GSE1: variants seen among roughly 807,000 people sequenced by gnomAD.
The protein encoded by GSE1 is Gse1 coiled-coil protein, also known as genetic suppressor element 1.
Under a neutral mutation model 112.6 loss-of-function variants are expected in GSE1, and 32 were observed. The ratio of observed to expected loss-of-function variants is 0.28; its 90% CI spans 0.21 to 0.38. GSE1 has a LOEUF of 0.38. Ranked by LOEUF, GSE1 falls within the 10% of genes least tolerant of loss-of-function variation. GSE1 has a pLI of 1.00. For synonymous variants in GSE1, 1,115 were observed against 735.6 expected (o/e 1.52, Z -8.35); for missense variants, 2,348 against 1,699.2 (o/e 1.38, Z -6.71).
intron 1 of GSE1, among the ~76,000 whole-genome samples, chr16:85,178,024 G>A (rs930414088): frequency 6.6e-6 from 1 of 152,276 alleles, no homozygotes; most frequent in Non-Finnish European, 1.5e-5. Context: ...TGGCGCTCTG[G>A]GCACCTGCTA....
chr16:85,616,637 C>G (rs1305823481), intron 1 of GSE1, among the ~76,000 whole-genome samples: 2 of 152,048 alleles, frequency 1.3e-5, no homozygotes, highest in African/African-American at 4.8e-5. Context: ...ATCCATGTTG[C>G]AGGTGACATT....
intron 2 of GSE1, among the ~76,000 whole-genome samples, chr16:85,454,094 G>A (rs9935920): frequency 0.29 from 44,790 of 152,134 alleles, 6,788 homozygotes; most frequent in East Asian, 0.34. Context: ...CACCCTGAAC[G>A]TGGGGAGAAT....
chr16:85,341,787 A>G (rs746893669), intron 1 of GSE1, among the ~76,000 whole-genome samples: 1 of 151,636 alleles, frequency 6.6e-6, no homozygotes, highest in Non-Finnish European at 1.5e-5. Flanking sequence ...GGTGTGAACC[A>G]CTTCACCTGG....
chr16:85,437,775 G>C (rs778211852), intron 2 of GSE1, among the ~76,000 whole-genome samples: 1 of 152,170 alleles, frequency 6.6e-6, no homozygotes, highest in Non-Finnish European at 1.5e-5. Context: ...CCAGGAGGCC[G>C]AACACCACCG....
At chr16:85,213,875 AG>A (rs1208479369) in intron 1 of GSE1, among the ~76,000 whole-genome samples, 7 of 152,196 alleles carry the variant, frequency 4.6e-5, no homozygotes, top group African/African-American at 1.7e-4. Context: ...AGAGGGCCCC[AG>A]GCTGTTGGCA....
intron 1 of GSE1, among the ~76,000 whole-genome samples, chr16:85,619,259 G>A (rs1028805802): frequency 6.6e-6 from 1 of 152,226 alleles, no homozygotes; most frequent in Non-Finnish European, 1.5e-5. Context: ...CCCCAGCCCT[G>A]CCCTTCCTGC....
At chr16:85,365,910 T>C (rs2047175785) in intron 2 of GSE1, among the ~76,000 whole-genome samples, 1 of 152,222 alleles carries the variant, frequency 6.6e-6, no homozygotes, top group Non-Finnish European at 1.5e-5. Flanking sequence ...TGTGCCTCAG[T>C]TTCCCCATGT....
At chr16:85,580,160 C>G (rs2046390215) in intron 1 of GSE1, 2 of 152,322 alleles carry the variant, frequency 1.3e-5, no homozygotes, top group Admixed American at 6.5e-5. Flanking sequence ...GTGCAGAGGC[C>G]CCATGGCTGG....
chr16:85,496,300 G>A (rs567382559), intron 2 of GSE1, among the ~76,000 whole-genome samples: 33 of 152,362 alleles, frequency 2.2e-4, no homozygotes, highest in African/African-American at 6.0e-4. Context: ...GGGCCCGACC[G>A]GGATGGTTAC....
intron 2 of GSE1, among the ~76,000 whole-genome samples, chr16:85,399,832 G>A (rs9937915): frequency 0.02 from 3,036 of 152,340 alleles, 112 homozygotes; most frequent in African/African-American, 0.068. Flanking sequence ...TGAGTGTTCC[G>A]TGAGTGCGGG....
intron 2 of GSE1, among the ~76,000 whole-genome samples, chr16:85,477,412 G>A (rs947017238): frequency 5.3e-5 from 8 of 151,978 alleles, no homozygotes; most frequent in African/African-American, 9.7e-5. Context: ...CACCTAGGAG[G>A]GTGCCCCCCA....
chr16:85,624,128 C>A (rs1209698325), intron 1 of GSE1, among the ~76,000 whole-genome samples: 1 of 152,192 alleles, frequency 6.6e-6, no homozygotes, highest in East Asian at 1.9e-4. Flanking sequence ...TGGCCCATGC[C>A]CCCCGGCCGC....
intron 2 of GSE1, among the ~76,000 whole-genome samples, chr16:85,432,060 ACTCACCC>A (rs997035823): frequency 3.3e-5 from 5 of 151,886 alleles, no homozygotes; most frequent in African/African-American, 1.2e-4. Context: ...ACGCCCCCGA[ACTCACCC>A]CTCACCCCTC....
intron 1 of GSE1, among the ~76,000 whole-genome samples, chr16:85,557,128 A>T (rs1284686109): frequency 1.3e-5 from 2 of 152,110 alleles, no homozygotes; most frequent in African/African-American, 4.8e-5. Context: ...AGTGTAGGCT[A>T]CATGGAAGCT....
chr16:85,563,189 CTTTTTTTTTT>C (rs80212096), intron 1 of GSE1, among the ~76,000 whole-genome samples: 6,456 of 140,478 alleles, frequency 0.046, 432 homozygotes, highest in African/African-American at 0.15. Context: ...CCTCCTCTTC[CTTTTTTTTTT>C]TTTTTCTTTT....
rs769838290 is a variant in GSE1, at chr16:85,634,070, C to T, written c.164C>T (p.Ala55Val). The T allele has an allele frequency of 4.9e-5, 79 of 1,605,242 alleles. No homozygotes were observed. The highest frequency in any genetic ancestry group is 1.7e-4 in the Middle Eastern group (1 of 6,032). Residue 55 changes from alanine to valine, a missense_variant, in exon 2 of 16, where the codon GCG becomes GTG. By Grantham distance (64) the Ala-to-Val change is moderately conservative. Coordinates refer to ENST00000253458, the MANE Select transcript of GSE1 (RefSeq NM_014615.5). ...AGCAGCGCGCTGTCGGCCCAGGCCG[C>T]GCCATCCTCCAGCTTTGCCGCCGCG... ...ATSSALSAQAAPSSSFAAALR... is the reference protein window; with the variant it reads ...ATSSALSAQAVPSSSFAAALR...
In GSE1 at chr16:85,263,734, A is replaced by G. The variant is rs574787192; in HGVS notation, c.2283+91927A>G. ...ATTACAGGTGTGGGACACCACACCC[A>G]GCTAATTTTTGTATTTCTAGTAGAG... On this transcript the variant is annotated intron_variant, in intron 1 of 2. Transcript: ENST00000637419. Among the ~76,000 whole-genome samples the G allele has an allele frequency of 3.0e-4, 45 of 152,194 alleles. 2 individuals are homozygous for G. In the South Asian group the frequency reaches 7.3e-3, roughly 25 times the overall value.
At chr16:85,308,892 C>T (rs988684008) in intron 1 of GSE1, among the ~76,000 whole-genome samples, 4 of 147,134 alleles carry the variant, frequency 2.7e-5, no homozygotes, top group East Asian at 4.0e-4. Context: ...TCTCGGATGA[C>T]GTGACAGCGA....
At chr16:85,227,477 G>A (rs1438632575) in intron 1 of GSE1, among the ~76,000 whole-genome samples, 1 of 152,242 alleles carries the variant, frequency 6.6e-6, no homozygotes, top group African/African-American at 2.4e-5. Context: ...TTGACTGGGT[G>A]GGTGAGAGAT....
Sources: gnomAD v4.1 joint callset for allele counts (sites outside exome capture counted in the v4.1 genomes callset) on GRCh38, gnomAD v4.1.1 for gene constraint, MANE v1.5 for transcripts, NCBI Gene and HGNC (gene_info 2026-07-23, HGNC 2026-07-21) for gene names.